PAK3: variants seen among roughly 807,000 people sequenced by gnomAD.
PAK3 encodes serine/threonine-protein kinase PAK 3.
Under a neutral mutation model 41.0 loss-of-function variants are expected in PAK3, and 4 were observed. The ratio of observed to expected loss-of-function variants is 0.10; its 90% CI spans 0.05 to 0.22. The LOEUF is 0.22. PAK3 is among the 10% of genes least tolerant of loss of function. The pLI, the probability that PAK3 is intolerant of heterozygous loss-of-function variation, is 1.00. For synonymous variants in PAK3, 146 were observed against 139.6 expected (o/e 1.05, Z -0.32); for missense variants, 205 against 409.9 (o/e 0.50, Z 4.32).
At chrX:110,981,389 A>C (rs926404620) in intron 1 of PAK3, among the ~76,000 whole-genome samples, 10 of 112,130 alleles carry the variant, frequency 8.9e-5, no homozygotes, top group Non-Finnish European at 1.9e-4. Flanking sequence ...AGGTTTTTAG[A>C]TTAGATCATA....
At chrX:110,999,106 G>C (rs780586610) in intron 1 of PAK3, among the ~76,000 whole-genome samples, 1 of 111,839 alleles carries the variant, frequency 8.9e-6, no homozygotes, top group Non-Finnish European at 1.9e-5. Context: ...TGTGCCAAAA[G>C]AGATGCCCCT....
At chrX:111,015,791 A>C (rs1490657494) in intron 1 of PAK3, among the ~76,000 whole-genome samples, 2 of 111,811 alleles carry the variant, frequency 1.8e-5, no homozygotes, top group Non-Finnish European at 3.8e-5. Flanking sequence ...TTTTTAAATC[A>C]GGTTATTTGT....
At chrX:111,030,347 G>A (rs1006460049) in intron 1 of PAK3, among the ~76,000 whole-genome samples, 2 of 110,987 alleles carry the variant, frequency 1.8e-5, no homozygotes, top group Non-Finnish European at 3.8e-5. Context: ...GTAGTGAGAA[G>A]GAAGGACAGG....
chrX:111,105,864 C>G (rs1487019734), intron 4 of PAK3, among the ~76,000 whole-genome samples: 1 of 111,629 alleles, frequency 9.0e-6, no homozygotes, highest in African/African-American at 3.3e-5. Context: ...ACTCTACCCT[C>G]TCAAACTCAA....
At chrX:110,949,088 A>T (rs1602501398) in intron 1 of PAK3, among the ~76,000 whole-genome samples, 1 of 112,291 alleles carries the variant, frequency 8.9e-6, no homozygotes, top group East Asian at 2.8e-4. Context: ...TGAAACTCAG[A>T]TCTGCTGCCT....
At chrX:111,213,018 T>C (rs767833130) in intron 16 of PAK3, among the ~76,000 whole-genome samples, 47 of 112,163 alleles carry the variant, frequency 4.2e-4, no homozygotes, top group Admixed American at 7.6e-4. Flanking sequence ...TAAAATGATA[T>C]TTATGAAGAA....
intron 1 of PAK3, among the ~76,000 whole-genome samples, chrX:110,962,231 C>A (rs1373872450): frequency 8.9e-6 from 1 of 111,926 alleles, no homozygotes; most frequent in Non-Finnish European, 1.9e-5. Context: ...GCAGTGTGTC[C>A]CAAACTTAAC....
rs386417402 is a variant in PAK3 at position 111,059,121 on chromosome X, C to CTTTTTT, written c.-27-63943_-27-63938dup. Among the ~76,000 whole-genome samples, 55 of 61,004 alleles carry CTTTTTT rather than the reference C, an allele frequency of 9.0e-4. 2 individuals are homozygous for CTTTTTT. Among genetic ancestry groups the CTTTTTT allele is most frequent in the African/African-American group, 3.4e-3 (53 of 15,688 alleles). The allele number at this position is 61,004 out of a possible 115,157, so 53.0% of individuals were successfully genotyped here. A position where few individuals can be genotyped will look rare whatever the true frequency, so the allele number is the denominator to read the frequency against. On this transcript the variant is annotated intron_variant, in intron 1 of 14. Transcript: ENST00000425146. ...ATATGAATTTTAGGATCAACTTTTCCTTTTTTTTTTTTTTTTTTGAAAAAA... is the reference window on the plus strand; with the variant it reads ...ATATGAATTTTAGGATCAACTTTTCCTTTTTTTTTTTTTTTTTTTTTTTTGAAAAAA...
chrX:111,068,580 G>A (rs1488323298), intron 1 of PAK3, among the ~76,000 whole-genome samples: 1 of 112,925 alleles, frequency 8.9e-6, no homozygotes, highest in East Asian at 2.8e-4. Context: ...GGGATTGCAG[G>A]CGTGAGCCAC....
intron 4 of PAK3, among the ~76,000 whole-genome samples, chrX:111,103,914 C>T (rs760990487): frequency 2.7e-5 from 3 of 111,826 alleles, no homozygotes; most frequent in Non-Finnish European, 5.6e-5. Context: ...GTAGCACTTG[C>T]TGCCCTACTG....
intron 1 of PAK3, among the ~76,000 whole-genome samples, chrX:111,090,184 A>G (rs1603182845): frequency 1.8e-5 from 2 of 111,012 alleles, no homozygotes; most frequent in East Asian, 5.7e-4. Context: ...ATGCCCTACC[A>G]TCTTTGACAC....
chrX:111,141,154 G>A (rs2149087451), intron 5 of PAK3, among the ~76,000 whole-genome samples: 1 of 111,374 alleles, frequency 9.0e-6, no homozygotes, highest in South Asian at 3.8e-4. Flanking sequence ...TGTTATGGAA[G>A]CGACTAGATG....
Position 111,221,604 on chromosome X carries a change from A to G in PAK3, c.*1157A>G, listed in dbSNP as rs1434436691. On this transcript the variant is annotated 3_prime_UTR_variant, in exon 18 of 18. Coordinates refer to ENST00000372007, the MANE Select transcript of PAK3 (RefSeq NM_002578.5). Reference sequence around the variant, plus strand: ...TACAAATTATTTATTTTGACAATTTATAACGTTTAAAAAAGTTTTTTAAAG... The same window carrying G: ...TACAAATTATTTATTTTGACAATTTGTAACGTTTAAAAAAGTTTTTTAAAG... 1 of 112,234 alleles carries G rather than the reference A, an allele frequency of 8.9e-6. No individual in the cohort carries two copies. Among genetic ancestry groups the G allele is most frequent in the Non-Finnish European group, 1.9e-5 (1 of 53,203 alleles). 9.2% of individuals were successfully genotyped at this position (112,234 alleles called of 1,213,427 possible).
At chrX:110,996,934 G>C (rs1411150974) in intron 1 of PAK3, among the ~76,000 whole-genome samples, 1 of 111,782 alleles carries the variant, frequency 8.9e-6, no homozygotes, top group Non-Finnish European at 1.9e-5. Context: ...ACTAGATAAT[G>C]GAGATATAAA....
rs2094217073 is a variant in PAK3, at chrX:111,163,603, A to G, written c.642A>G (p.Ala214=). The change falls in exon 10 of 18, where the codon GCA becomes GCG. Residue 214 remains alanine (A), a synonymous_variant. Transcript: ENST00000372007. ...TGGTTGAATCCATTGCTTCACCAGC[A>G]GTACCAAATAAAGAGGTCACACCAC... ...RSVVESIASP[A]VPNKEVTPPS... is the part of the protein sequence containing the mutation. 1 of 1,201,743 alleles carries G rather than the reference A, an allele frequency of 8.3e-7. No individual in the cohort carries two copies. Among genetic ancestry groups the G allele is most frequent in the South Asian group, 1.8e-5 (1 of 56,785 alleles).
chrX:110,981,486 A>G (rs941662276), intron 1 of PAK3, among the ~76,000 whole-genome samples: 5 of 111,505 alleles, frequency 4.5e-5, no homozygotes, highest in African/African-American at 1.6e-4. Context: ...GAACTAAAGT[A>G]TTTAAAGATA....
chrX:111,181,540 G>A (rs1342256524), intron 11 of PAK3, among the ~76,000 whole-genome samples: 1 of 110,986 alleles, frequency 9.0e-6, no homozygotes, highest in Non-Finnish European at 1.9e-5. Flanking sequence ...TATAATGTTA[G>A]GTATTTTTCA....
At chrX:111,193,348 CTTTTTTTTTT>C in intron 13 of PAK3, among the ~76,000 whole-genome samples, 1 of 86,206 alleles carries the variant, frequency 1.2e-5, no homozygotes, top group East Asian at 3.5e-4. Flanking sequence ...TTTTACAGTC[CTTTTTTTTTT>C]TTTTTTTTTT....
At chrX:111,060,743 T>C (rs1337422399) in intron 1 of PAK3, among the ~76,000 whole-genome samples, 1 of 111,679 alleles carries the variant, frequency 9.0e-6, no homozygotes, top group Non-Finnish European at 1.9e-5. Flanking sequence ...TCAGGTTGCC[T>C]TGTAGACCGT....
Sources: allele counts gnomAD v4.1 joint callset (sites outside exome capture counted in the v4.1 genomes callset), GRCh38; gene constraint gnomAD v4.1.1; transcripts MANE v1.5; gene names NCBI Gene and HGNC (gene_info 2026-07-23, HGNC 2026-07-21).